The following CNTN1 variants were observed in gnomAD, a reference collection of about 807,000 sequenced individuals.
The protein encoded by CNTN1 is contactin 1, also known as contactin-1.
Under a neutral mutation model 126.4 loss-of-function variants are expected in CNTN1, and 38 were observed. The observed-to-expected ratio is 0.30, with a 90% CI of 0.23 to 0.39. The LOEUF (loss-of-function observed/expected upper bound fraction) is 0.39, where lower values mean the gene tolerates loss of function less well. Among genes scored for constraint, CNTN1 ranks in the 10% least tolerant of loss-of-function variants. The pLI is 1.00. For missense variants in CNTN1, 1,009 were observed against 1,248.4 expected (o/e 0.81, Z 2.89); for synonymous variants, 413 against 422.6 (o/e 0.98, Z 0.28).
Position 41,020,096 on chromosome 12 carries a change from A to C in CNTN1, c.2420-241A>C, listed in dbSNP as rs1382567958. ...TGTGTATGTGTATATGTCTATATTA[A>C]CATTTATGTAAATGAATGTGTGTGT... On this transcript the variant is annotated intron_variant, in intron 19 of 23. Transcript: ENST00000551295. Among the ~76,000 whole-genome samples, 4 of 152,118 alleles carry C rather than the reference A, an allele frequency of 2.6e-5. No individual in the cohort carries two copies. In the East Asian group the frequency reaches 7.7e-4, roughly 29 times the overall value.
chr12:40,947,989 A>ACTCT (rs1248419001), intron 14 of CNTN1, among the ~76,000 whole-genome samples: 2 of 151,482 alleles, frequency 1.3e-5, no homozygotes, highest in Non-Finnish European at 2.9e-5. Flanking sequence ...TTATGTGGTG[A>ACTCT]CTCTGATCCA....
intron 1 of CNTN1, among the ~76,000 whole-genome samples, chr12:40,794,808 C>G (rs1031470197): frequency 4.6e-5 from 7 of 151,872 alleles, no homozygotes; most frequent in Admixed American, 3.9e-4. Flanking sequence ...GTGAGTCTGC[C>G]AATTGAGGAA....
chr12:41,046,770 T>G lies in CNTN1; in HGVS notation c.2980+17551T>G, dbSNP rs148642582. ...CTGATTCTTCTTTTTCTAGTTTATT[T>G]CCTTAAATCTCCTCCCAACTCCAGC... On this transcript the variant is annotated intron_variant, in intron 23 of 23. Coordinates refer to ENST00000551295, the MANE Select transcript of CNTN1 (RefSeq NM_001843.4). Among the ~76,000 whole-genome samples the G allele has an allele frequency of 5.9e-5, 9 of 151,942 alleles. No homozygotes were observed. In the East Asian group the frequency reaches 1.7e-3, roughly 29 times the overall value.
chr12:40,922,438 C>A lies in CNTN1; in HGVS notation c.400+10C>A. On this transcript the variant is annotated intron_variant, in intron 5 of 23. Transcript: ENST00000551295. ...ACCCTGAGCTTTGGATGTAAGTAAACTGTAACTTTTAAAAAAGGGCAAGCG... is the reference window on the plus strand; with the variant it reads ...ACCCTGAGCTTTGGATGTAAGTAAAATGTAACTTTTAAAAAAGGGCAAGCG... 1 of 1,613,512 alleles carries A rather than the reference C, an allele frequency of 6.2e-7. No individual in the cohort carries two copies. The highest frequency in any genetic ancestry group is 8.5e-7 in the Non-Finnish European group (1 of 1,179,624).
chr12:40,855,279 A>G (rs1942863732), intron 1 of CNTN1, among the ~76,000 whole-genome samples: 1 of 152,118 alleles, frequency 6.6e-6, no homozygotes, highest in South Asian at 2.1e-4. Flanking sequence ...CCGTTGCAAA[A>G]TGTAATTTTC....
chr12:40,778,794 G>C (rs909033952), intron 1 of CNTN1, among the ~76,000 whole-genome samples: 2 of 151,746 alleles, frequency 1.3e-5, no homozygotes, highest in Non-Finnish European at 2.9e-5. Context: ...ACGACTGATT[G>C]TTTTGTCATT....
chr12:40,894,766 T>C (rs1418396326), intron 1 of CNTN1, among the ~76,000 whole-genome samples: 2 of 152,200 alleles, frequency 1.3e-5, no homozygotes, highest in Admixed American at 1.3e-4. Flanking sequence ...TGAAGACTTA[T>C]GAAGAAATCA....
chr12:40,735,746 G>A (rs556045227), intron 1 of CNTN1, among the ~76,000 whole-genome samples: 55 of 152,096 alleles, frequency 3.6e-4, no homozygotes, highest in African/African-American at 1.3e-3. Context: ...ACTGACAGAG[G>A]GCATATGCAG....
intron 1 of CNTN1, among the ~76,000 whole-genome samples, chr12:40,813,038 C>T (rs11178512): frequency 0.01 from 890 of 84,902 alleles, 16 homozygotes; most frequent in African/African-American, 0.033. Flanking sequence ...CTCTTTCTTT[C>T]CTTTCTTTCT....
intron 15 of CNTN1, chr12:40,978,869 T>G (rs975211663): frequency 9.2e-5 from 14 of 152,184 alleles, no homozygotes; most frequent in African/African-American, 2.7e-4. Context: ...ACCCCTATGC[T>G]CAGAAAAAGT....
intron 1 of CNTN1, among the ~76,000 whole-genome samples, chr12:40,693,372 T>A (rs1213864756): frequency 6.6e-6 from 1 of 152,116 alleles, no homozygotes; most frequent in Non-Finnish European, 1.5e-5. Context: ...CAAGTGATTG[T>A]GCCCGGATGG....
chr12:40,771,507 T>C (rs1226099180), intron 1 of CNTN1, among the ~76,000 whole-genome samples: 1 of 152,086 alleles, frequency 6.6e-6, no homozygotes, highest in Admixed American at 6.6e-5. Flanking sequence ...ATGTTCTTAT[T>C]TAGACAGCCC....
chr12:40,955,462 C>T (rs890195779), intron 14 of CNTN1, among the ~76,000 whole-genome samples: 3 of 151,850 alleles, frequency 2.0e-5, no homozygotes, highest in African/African-American at 7.3e-5. Flanking sequence ...ATATATCATT[C>T]CTGGTAGTTT....
At chr12:40,736,858 C>T (rs768122653) in intron 1 of CNTN1, among the ~76,000 whole-genome samples, 7 of 151,942 alleles carry the variant, frequency 4.6e-5, no homozygotes, top group African/African-American at 7.2e-5. Context: ...CTAATCAGGA[C>T]GCTGATGGTG....
chr12:41,061,492 C>T (rs1030097276), intron 23 of CNTN1, among the ~76,000 whole-genome samples: 8 of 152,150 alleles, frequency 5.3e-5, no homozygotes, highest in African/African-American at 1.7e-4. Context: ...AATTGCCAAA[C>T]GAATAGGAGC....
intron 15 of CNTN1, among the ~76,000 whole-genome samples, chr12:40,976,608 CAAAA>C (rs1947682555): frequency 6.6e-6 from 1 of 150,858 alleles, no homozygotes. Flanking sequence ...TTTTCATTGA[CAAAA>C]GAATCAGAAG....
intron 21 of CNTN1, among the ~76,000 whole-genome samples, chr12:41,027,536 G>A (rs1949059885): frequency 6.6e-6 from 1 of 152,164 alleles, no homozygotes. Flanking sequence ...GAATAATCAA[G>A]TGACATTAGA....
At chr12:40,784,544 C>T (rs145445646) in intron 1 of CNTN1, among the ~76,000 whole-genome samples, 3 of 152,046 alleles carry the variant, frequency 2.0e-5, no homozygotes, top group East Asian at 1.9e-4. Context: ...TTTTGCTGAG[C>T]GGGCTAGAAA....
intron 23 of CNTN1, among the ~76,000 whole-genome samples, chr12:41,042,297 C>A (rs1174953418): frequency 2.6e-5 from 4 of 151,968 alleles, no homozygotes; most frequent in Admixed American, 6.6e-5. Flanking sequence ...GTTATAATTT[C>A]TGTTCTTTTA....
Sources: allele counts gnomAD v4.1 joint callset (sites outside exome capture counted in the v4.1 genomes callset), GRCh38; gene constraint gnomAD v4.1.1; transcripts MANE v1.5; gene names NCBI Gene and HGNC (gene_info 2026-07-23, HGNC 2026-07-21).